Variants in ITGA8 observed in about 807,000 individuals in gnomAD.
ITGA8 encodes the protein integrin subunit alpha 8.
In ITGA8, 91 loss-of-function variants were observed where a neutral mutation model predicts 142.3. That is an observed-to-expected ratio of 0.64 (90% confidence interval 0.54 to 0.76). The LOEUF is 0.76. ITGA8 is among the 30% of genes least tolerant of loss of function. The pLI is 0.00. For synonymous variants in ITGA8, 505 were observed against 485.2 expected, an observed-to-expected ratio of 1.04 and a Z score of -0.54; for missense variants, 1,406 against 1,327.7, an observed-to-expected ratio of 1.06 and a Z score of -0.92.
intron 2 of ITGA8, 91 bp downstream of exon 2, chr10:15,718,675 C>G: frequency 6.7e-7 from 1 of 1,502,426 alleles, no homozygotes; most frequent in Non-Finnish European, 9.1e-7. Flanking sequence ...GCTAAACGAG[C>G]AGCACACCAA....
intron 2 of ITGA8, among the ~76,000 whole-genome samples, chr10:15,694,794 T>C (rs912289535): frequency 2.7e-5 from 4 of 149,410 alleles, no homozygotes; most frequent in Admixed American, 1.4e-4. Flanking sequence ...GTATAATATG[T>C]TGTTAGTAGT....
rs1026694889 is a variant in ITGA8 at position 15,604,379 on chromosome 10, G to A, written c.1971-24C>T. The A allele has an allele frequency of 3.2e-6, 5 of 1,585,976 alleles. No individual in the cohort carries two copies. The Admixed American group carries it at 5.4e-5, about 17-fold the overall frequency. On this transcript the variant is annotated intron_variant, in intron 19 of 29. Coordinates refer to ENST00000378076, the MANE Select transcript of ITGA8 (RefSeq NM_003638.3). ...CTCTAAAAATGCAGTTTAAAAAGAA[G>A]GATTAGGTACTCTACTTCTTGGCTT...
intron 25 of ITGA8, among the ~76,000 whole-genome samples, chr10:15,558,564 G>A (rs999957297): frequency 1.2e-4 from 19 of 152,132 alleles, no homozygotes; most frequent in Middle Eastern, 3.2e-3. Flanking sequence ...TGTAGAGTGG[G>A]GCCAGTTAAA....
intron 27 of ITGA8, among the ~76,000 whole-genome samples, chr10:15,531,868 CT>C: frequency 1.3e-5 from 2 of 152,156 alleles, no homozygotes; most frequent in South Asian, 4.1e-4. Context: ...TCGCTTGAAC[CT>C]GGGGGGCGCA....
intron 12 of ITGA8, among the ~76,000 whole-genome samples, chr10:15,644,482 ATATATATATAGAAT>A (rs1564389030): frequency 0.04 from 357 of 9,026 alleles, 27 homozygotes; most frequent in Admixed American, 0.14. Flanking sequence ...ATATATATAT[ATATATATATAGAAT>A]TTTTTTTTTT....
chr10:15,590,565 C>T (rs1171464815), intron 22 of ITGA8, among the ~76,000 whole-genome samples: 2 of 152,116 alleles, frequency 1.3e-5, no homozygotes, highest in Non-Finnish European at 2.9e-5. Flanking sequence ...GACAATGATG[C>T]AGAGGAATAG....
intron 14 of ITGA8, 84 bp from the exon 15 acceptor site, chr10:15,613,851 T>C (rs1304729502): frequency 2.2e-6 from 2 of 902,038 alleles, no homozygotes; most frequent in Non-Finnish European, 3.7e-6. Context: ...CATACTGAAC[T>C]CAGTAGTAGA....
chr10:15,713,565 A>C (rs1238778736), intron 2 of ITGA8, among the ~76,000 whole-genome samples: 1 of 152,158 alleles, frequency 6.6e-6, no homozygotes, highest in Non-Finnish European at 1.5e-5. Flanking sequence ...TTCCTGAACA[A>C]AAACTGATTT....
chr10:15,643,084 T>A (rs774563076), intron 13 of ITGA8, among the ~76,000 whole-genome samples: 15 of 152,180 alleles, frequency 9.9e-5, no homozygotes, highest in Non-Finnish European at 2.1e-4. Context: ...GACAGTGAAA[T>A]AATCTTTTAA....
rs899405771 is a variant in ITGA8, at chr10:15,650,991, A to G, written c.1002-3940T>C. Reference sequence around the variant, plus strand: ...TACTTGGGCTAAATCTAGCATAAAAATATAGCTCCCTAAGCTGTTTCCTTT... The same window carrying G: ...TACTTGGGCTAAATCTAGCATAAAAGTATAGCTCCCTAAGCTGTTTCCTTT... On this transcript the variant is annotated intron_variant, in intron 11 of 29. Coordinates refer to ENST00000378076, the MANE Select transcript of ITGA8 (RefSeq NM_003638.3). 6.2e-4 allele frequency among the ~76,000 whole-genome samples: 94 copies of G among 152,320 alleles called. 1 individual carries two copies. Among genetic ancestry groups the G allele is most frequent in the African/African-American group, 1.5e-3 (63 of 41,590 alleles).
intron 20 of ITGA8, among the ~76,000 whole-genome samples, chr10:15,601,479 G>T (rs1391883906): frequency 8.5e-5 from 13 of 152,100 alleles, no homozygotes; most frequent in South Asian, 2.1e-4. Flanking sequence ...TGATGTAAAA[G>T]GTCTGGAGAT....
rs188396517 is a variant in ITGA8 at position 15,573,327 on chromosome 10, T to C, written c.2479-958A>G. Among the ~76,000 whole-genome samples, 3 of 152,332 alleles carry C rather than the reference T, an allele frequency of 2.0e-5. No individual in the cohort carries two copies. In the East Asian group the frequency reaches 5.8e-4, roughly 29 times the overall value. ...TGAAGCAGGACTGCCCTGAGAATGA[T>C]TGGGTCTGAATATATTTTCAAACTT... On this transcript the variant is annotated intron_variant, in intron 24 of 29. Transcript: ENST00000378076.
intron 13 of ITGA8, among the ~76,000 whole-genome samples, chr10:15,626,974 G>C (rs1190615319): frequency 6.6e-6 from 1 of 152,142 alleles, no homozygotes; most frequent in Non-Finnish European, 1.5e-5. Flanking sequence ...GAGAGGAAGG[G>C]AAGAACAGGT....
intron 25 of ITGA8, among the ~76,000 whole-genome samples, chr10:15,560,751 G>T (rs180977211): frequency 6.6e-6 from 1 of 152,286 alleles, no homozygotes. Context: ...AATAAAAATG[G>T]ATGTATCTGA....
intron 10 of ITGA8, among the ~76,000 whole-genome samples, chr10:15,657,275 A>G (rs1322733973): frequency 6.6e-6 from 1 of 152,218 alleles, no homozygotes; most frequent in East Asian, 1.9e-4. Context: ...CTAGATTCTC[A>G]TTCACTTATT....
At chr10:15,541,586 C>T (rs1194944253) in intron 27 of ITGA8, among the ~76,000 whole-genome samples, 1 of 152,156 alleles carries the variant, frequency 6.6e-6, no homozygotes, top group Non-Finnish European at 1.5e-5. Flanking sequence ...TGTGTACCAG[C>T]CAAGCCTAAC....
intron 2 of ITGA8, among the ~76,000 whole-genome samples, chr10:15,716,715 G>A (rs911361199): frequency 2.1e-5 from 3 of 140,104 alleles, no homozygotes; most frequent in Non-Finnish European, 4.5e-5. Context: ...TTGTTGCCCA[G>A]GCTGGAGTGC....
intron 27 of ITGA8, among the ~76,000 whole-genome samples, chr10:15,543,165 C>T (rs530163372): frequency 6.6e-6 from 1 of 152,108 alleles, no homozygotes; most frequent in Non-Finnish European, 1.5e-5. Flanking sequence ...GAATTTGAGC[C>T]CCATGAAAGT....
At chr10:15,696,843 CA>C (rs1350283993) in intron 2 of ITGA8, among the ~76,000 whole-genome samples, 1 of 81,062 alleles carries the variant, frequency 1.2e-5, no homozygotes, top group East Asian at 3.4e-4. Context: ...GACAACATGG[CA>C]AAACCCTAAC....
Sources: allele counts gnomAD v4.1 joint callset (sites outside exome capture counted in the v4.1 genomes callset), GRCh38; gene constraint gnomAD v4.1.1; transcripts MANE v1.5; gene names NCBI Gene and HGNC (gene_info 2026-07-23, HGNC 2026-07-21).